The following MYBPC2 variants were observed in gnomAD, a reference collection of about 807,000 sequenced individuals.
MYBPC2 encodes the protein myosin-binding protein C, fast-type.
Under a neutral mutation model 137.0 loss-of-function variants are expected in MYBPC2, and 122 were observed. The observed-to-expected ratio is 0.89, with a 90% CI of 0.77 to 1.03. The LOEUF is 1.03. Ranked by LOEUF, MYBPC2 falls within the 50% of genes least tolerant of loss-of-function variation. The pLI is 0.00. For synonymous variants in MYBPC2, 626 were observed against 612.3 expected (o/e 1.02, Z -0.33); for missense variants, 1,500 against 1,534.4 (o/e 0.98, Z 0.37).
rs775821309 is a variant in MYBPC2 at position 50,460,149 on chromosome 19, T to G, written c.2901T>G (p.Tyr967Ter). 6.3e-7 allele frequency: 1 copy of G among 1,597,244 alleles called. No individual in the cohort carries two copies. The highest frequency in any genetic ancestry group is 8.5e-7 in the Non-Finnish European group (1 of 1,172,516). ...KDDGNSEIMG[Y>*]FVQKADKKTM... is the part of the protein sequence containing the mutation. Reference sequence around the variant, plus strand: ...ATGGGAACAGTGAGATCATGGGGTATTTCGTCCAGAAAGCAGACAAAAAAA... The same window carrying G: ...ATGGGAACAGTGAGATCATGGGGTAGTTCGTCCAGAAAGCAGACAAAAAAA... The change falls in exon 24 of 28, where the codon TAT becomes TAG. Residue 967 changes from tyrosine to a stop codon, truncating the protein, a stop_gained. Transcript: ENST00000357701. LOFTEE classifies it high-confidence loss of function.
chr19:50,461,858 A>G, intron 25 of MYBPC2, 42 bp from the exon 26 acceptor site: 3 of 1,582,524 alleles, frequency 1.9e-6, no homozygotes, highest in Non-Finnish European at 2.6e-6. Context: ...GTCAGGGGAG[A>G]ATCTAGATCA....
Position 50,464,395 on chromosome 19 carries a change from A to C in MYBPC2, c.3278A>C (p.Lys1093Thr), listed in dbSNP as rs760032267. Residue 1093 changes from lysine (K) to threonine (T), a missense_variant, in exon 27 of 28, where the codon AAG becomes ACG. Coordinates refer to ENST00000357701, the MANE Select transcript of MYBPC2 (RefSeq NM_004533.4). The stretch of plus-strand genomic sequence containing the variant: ...AAGATGGAAATCCGTGAAGATCCCA[A>C]GTTCCTGATAACCAATTACCAAGGA... ...KNKMEIREDPKFLITNYQGVL... is the reference protein window; with the variant it reads ...KNKMEIREDPTFLITNYQGVL... The C allele has an allele frequency of 6.2e-7, 1 of 1,611,208 alleles. No homozygotes were observed. The highest frequency in any genetic ancestry group is 8.5e-7 in the Non-Finnish European group (1 of 1,178,890).
chr19:50,455,673 G>A, intron 20 of MYBPC2, 29 bp downstream of exon 20: 1 of 1,610,762 alleles, frequency 6.2e-7, no homozygotes, highest in East Asian at 2.2e-5. Context: ...GCTGGTGGGG[G>A]TGGTGGCTAG....
At position 50,455,314 on chromosome 19, in the gene MYBPC2, T is replaced by C; in HGVS notation, c.2203+18T>C. On this transcript the variant is annotated intron_variant, in intron 19 of 27. Coordinates refer to ENST00000357701, the MANE Select transcript of MYBPC2 (RefSeq NM_004533.4). ...GCCTATTGGTAATGTCCTCCCTCAC[T>C]TTTATGCCTATTGGTAATGATGGAT... 1 of 1,609,388 alleles carries C rather than the reference T, an allele frequency of 6.2e-7. No homozygotes were observed. Among genetic ancestry groups the C allele is most frequent in the Non-Finnish European group, 8.5e-7 (1 of 1,176,610 alleles).
At chr19:50,459,788 C>A (rs570603968) in intron 23 of MYBPC2, among the ~76,000 whole-genome samples, 1 of 124,400 alleles carries the variant, frequency 8.0e-6, no homozygotes, top group Non-Finnish European at 1.6e-5. Flanking sequence ...ATGGGGGAAC[C>A]CTTGAGAGGG....
Position 50,436,256 on chromosome 19 carries a change from G to A in MYBPC2, c.345+96G>A, listed in dbSNP as rs1048422147. ...CCTGTTGCCTGAGGCATCAATGTGG[G>A]CCTGGAGCCGGGATGGAGAGTGGGC... is the stretch of plus-strand genomic sequence containing the variant. On this transcript the variant is annotated intron_variant, in intron 4 of 27. Coordinates refer to ENST00000357701, the MANE Select transcript of MYBPC2 (RefSeq NM_004533.4). The A allele has an allele frequency of 6.1e-6, 9 of 1,481,504 alleles. No homozygotes were observed. In the South Asian group the frequency reaches 6.8e-5, roughly 11 times the overall value. 91.8% of individuals were successfully genotyped at this position (1,481,504 alleles called of 1,614,324 possible).
At chr19:50,433,474 G>A (rs1004951495) in intron 1 of MYBPC2, among the ~76,000 whole-genome samples, 8 of 151,298 alleles carry the variant, frequency 5.3e-5, no homozygotes, top group African/African-American at 7.3e-5. Context: ...GTGCGATCTC[G>A]GCTCACTACA....
chr19:50,443,642 G>T, intron 10 of MYBPC2, 24 bp downstream of exon 10: 1 of 1,612,702 alleles, frequency 6.2e-7, no homozygotes, highest in Non-Finnish European at 8.5e-7. Context: ...TCAGAACTGA[G>T]CCTGGAGAGG....
chr19:50,453,968 G>A, intron 16 of MYBPC2, 52 bp from the exon 17 acceptor site: 1 of 1,537,134 alleles, frequency 6.5e-7, no homozygotes, highest in Non-Finnish European at 8.8e-7. Flanking sequence ...GGCAGGCCTG[G>A]GTTTGCTTGG....
Position 50,440,981 on chromosome 19 carries a change from A to T in MYBPC2, c.674A>T (p.Glu225Val). 1 of 1,613,606 alleles carries T rather than the reference A, an allele frequency of 6.2e-7. No homozygotes were observed. The highest frequency in any genetic ancestry group is 8.5e-7 in the Non-Finnish European group (1 of 1,179,732). ...CTCCTGAAAGGGGCAAAGAAGAGCGAGTACGAGAAAATCGCCTTCCAGTAT... is the reference window on the plus strand; with the variant it reads ...CTCCTGAAAGGGGCAAAGAAGAGCGTGTACGAGAAAATCGCCTTCCAGTAT... ...WELLKGAKKS[E>V]YEKIAFQYGI... The change falls in exon 8 of 28, where the codon GAG becomes GTG. Residue 225 changes from glutamate to valine, a missense_variant. By Grantham distance (121) the Glu-to-Val change is moderately radical. Coordinates refer to ENST00000357701, the MANE Select transcript of MYBPC2 (RefSeq NM_004533.4).
In MYBPC2 at chr19:50,435,770, G is replaced by T; in HGVS notation, c.110-6G>T. The T allele has an allele frequency of 1.2e-6, 2 of 1,606,084 alleles. No individual in the cohort carries two copies. The highest frequency in any genetic ancestry group is 2.2e-5 in the South Asian group (2 of 90,258). Reference sequence around the variant, plus strand: ...CCTCCTCATCCTAATCCTGTCCCCTGAACAGAAGCCCCACCCGAGGACCAG... The same window carrying T: ...CCTCCTCATCCTAATCCTGTCCCCTTAACAGAAGCCCCACCCGAGGACCAG... On this transcript the variant is annotated splice_polypyrimidine_tract_variant and splice_region_variant and intron_variant, in intron 2 of 27. Coordinates refer to ENST00000357701, the MANE Select transcript of MYBPC2 (RefSeq NM_004533.4). This position sits in a 1 kb window ranked among gnomAD's most constrained non-coding sequence, Gnocchi z 4.8.
intron 26 of MYBPC2, among the ~76,000 whole-genome samples, chr19:50,463,565 C>T (rs1312780426): frequency 1.3e-5 from 2 of 152,154 alleles, no homozygotes; most frequent in African/African-American, 2.4e-5. Flanking sequence ...CTTTCAATGA[C>T]CTGGGTGATT....
In MYBPC2 at chr19:50,464,329, C is replaced by T. The variant is rs1189496168; in HGVS notation, c.3229-17C>T. On this transcript the variant is annotated splice_polypyrimidine_tract_variant and intron_variant, in intron 26 of 27. Coordinates refer to ENST00000357701, the MANE Select transcript of MYBPC2 (RefSeq NM_004533.4). ...GTCTCTCTCTAAGTTGGCCTCCTCT[C>T]CCTTGACTCTCAACAGCCGAAGGTG... The T allele has an allele frequency of 1.3e-6, 2 of 1,593,472 alleles. No individual in the cohort carries two copies. Among genetic ancestry groups the T allele is most frequent in the Non-Finnish European group, 1.7e-6 (2 of 1,170,342 alleles).
chr19:50,455,511 A>C lies in MYBPC2; in HGVS notation c.2205A>C (p.Ala735=). ...SMNTKPFMPI[A]PTSEPLHLIV... ...TCCTCTTTTTCTGGATGCTTGCAGC[A>C]CCCACGAGTGAACCCCTGCACCTGA... Residue 735 remains alanine (A), a splice_region_variant and synonymous_variant, in exon 20 of 28, where the codon GCA becomes GCC. Transcript: ENST00000357701. 4 of 1,612,462 alleles carry C rather than the reference A, an allele frequency of 2.5e-6. No individual in the cohort carries two copies. The highest frequency in any genetic ancestry group is 3.4e-6 in the Non-Finnish European group (4 of 1,179,124).
rs1018501276 is a variant in MYBPC2 at position 50,459,143 on chromosome 19, G to A, written c.2628G>A (p.Lys876=). 1.3e-6 allele frequency: 2 copies of A among 1,586,588 alleles called. No individual in the cohort carries two copies. The highest frequency in any genetic ancestry group is 1.7e-6 in the Non-Finnish European group (2 of 1,169,062). ...GKPRPQVVWT[K]GGAPLDTSRV... is the part of the protein sequence containing the mutation. Reference sequence around the variant, plus strand: ...CCCGGCCCCAGGTGGTGTGGACCAAGGGCGGGGCCCCGCTGGACACCTCCC... The same window carrying A: ...CCCGGCCCCAGGTGGTGTGGACCAAAGGCGGGGCCCCGCTGGACACCTCCC... The change falls in exon 23 of 28, where the codon AAG becomes AAA. Residue 876 remains lysine (K), a synonymous_variant. Transcript: ENST00000357701.
chr19:50,453,240 T>A (rs1193447931), intron 16 of MYBPC2, among the ~76,000 whole-genome samples: 2 of 151,732 alleles, frequency 1.3e-5, no homozygotes, highest in African/African-American at 4.8e-5. Context: ...GGGCATGAGC[T>A]ACCTCACCCT....
chr19:50,433,670 CA>C (rs2039677892), intron 1 of MYBPC2, among the ~76,000 whole-genome samples: 1 of 151,810 alleles, frequency 6.6e-6, no homozygotes, highest in South Asian at 2.1e-4. Context: ...GCTGGGATGA[CA>C]GGCATGAGCC....
chr19:50,433,435 C>A (rs1428822549), intron 1 of MYBPC2, among the ~76,000 whole-genome samples: 1 of 150,700 alleles, frequency 6.6e-6, no homozygotes, highest in Admixed American at 6.6e-5. Context: ...GATGGAGTCT[C>A]GCTCTGCCCC....
intron 21 of MYBPC2, 38 bp from the exon 22 acceptor site, chr19:50,458,879 GC>G (rs745589000): frequency 1.9e-6 from 3 of 1,594,984 alleles, no homozygotes; most frequent in Non-Finnish European, 1.7e-6. Flanking sequence ...ATGCGCCCCG[GC>G]CCCCCGCTGA....
Sources: allele counts gnomAD v4.1 joint callset (sites outside exome capture counted in the v4.1 genomes callset), GRCh38; gene constraint gnomAD v4.1.1; non-coding constraint Gnocchi (gnomAD v3.1); transcripts MANE v1.5; gene names NCBI Gene and HGNC (gene_info 2026-07-23, HGNC 2026-07-21).